The following COL25A1 variants were observed in gnomAD, a reference collection of about 807,000 sequenced individuals.
The protein encoded by COL25A1 is collagen type XXV alpha 1 chain, also known as collagen alpha-1(XXV) chain.
A neutral mutation model predicts 128.4 loss-of-function variants in COL25A1; 103 were observed. The ratio of observed to expected loss-of-function variants is 0.80; its 90% CI spans 0.68 to 0.94. COL25A1 has a LOEUF of 0.94. Ranked by LOEUF, COL25A1 falls within the 40% of genes least tolerant of loss-of-function variation. The pLI, the probability that COL25A1 is intolerant of heterozygous loss-of-function variation, is 0.00. For synonymous variants in COL25A1, 279 were observed against 277.2 expected (o/e 1.01, Z -0.06); for missense variants, 745 against 840.0 (o/e 0.89, Z 1.40).
intron 6 of COL25A1, among the ~76,000 whole-genome samples, chr4:109,008,442 T>C (rs1043422049): frequency 3.9e-5 from 6 of 152,224 alleles, no homozygotes; most frequent in Non-Finnish European, 8.8e-5. Context: ...CTCACGATGC[T>C]TTCTAGGATC....
chr4:108,860,028 T>A (rs1736990710), intron 23 of COL25A1, among the ~76,000 whole-genome samples: 1 of 152,206 alleles, frequency 6.6e-6, no homozygotes, highest in South Asian at 2.1e-4. Flanking sequence ...TACTCTGATG[T>A]GACATGTAAA....
chr4:109,130,346 T>TAGTTGTGAATGTATACAC (rs1217570665), intron 3 of COL25A1, among the ~76,000 whole-genome samples: 2 of 152,070 alleles, frequency 1.3e-5, no homozygotes, highest in Admixed American at 6.5e-5. Flanking sequence ...ACTCAAAATT[T>TAGTTGTGAATGTATACAC]AGTTGTGAAT....
intron 11 of COL25A1, among the ~76,000 whole-genome samples, chr4:108,929,997 A>G (rs1746535100): frequency 6.6e-6 from 1 of 152,180 alleles, no homozygotes; most frequent in Non-Finnish European, 1.5e-5. Flanking sequence ...TGATTAACTC[A>G]TATCACTCAG....
chr4:108,972,180 G>T (rs1374353526), intron 8 of COL25A1, among the ~76,000 whole-genome samples: 2 of 151,972 alleles, frequency 1.3e-5, no homozygotes, highest in Non-Finnish European at 2.9e-5. Context: ...GTTATTTATG[G>T]GAAGAAATAA....
At chr4:108,903,649 C>G (rs1743119739) in intron 13 of COL25A1, among the ~76,000 whole-genome samples, 2 of 151,990 alleles carry the variant, frequency 1.3e-5, no homozygotes, top group East Asian at 1.9e-4. Context: ...TTTTATGGCA[C>G]TAACTGCATA....
At chr4:109,050,821 G>A (rs1468149586) in intron 3 of COL25A1, among the ~76,000 whole-genome samples, 2 of 151,468 alleles carry the variant, frequency 1.3e-5, no homozygotes, top group Non-Finnish European at 1.5e-5. Flanking sequence ...GTTCATTATT[G>A]TCATTCAATA....
At chr4:108,863,507 T>A (rs1737517756) in intron 20 of COL25A1, 120 bp from the exon 21 acceptor site, 3 of 685,088 alleles carry the variant, frequency 4.4e-6, no homozygotes. Context: ...ATTTACCCTG[T>A]ACCCAGCACT....
Position 108,813,709 on chromosome 4 carries a change from C to T in COL25A1, c.*218G>A. The T allele has an allele frequency of 3.9e-6, 2 of 510,212 alleles. No individual in the cohort carries two copies. Among genetic ancestry groups the T allele is most frequent in the Non-Finnish European group, 7.1e-6 (2 of 282,662 alleles). The allele number at this position is 510,212 out of a possible 1,614,324, so 31.6% of individuals were successfully genotyped here. ...TATCTTCACATAAGATAAGGAGATACTGATCTATATTTTTTGCAGGATTCT... is the reference window on the plus strand; with the variant it reads ...TATCTTCACATAAGATAAGGAGATATTGATCTATATTTTTTGCAGGATTCT... On this transcript the variant is annotated 3_prime_UTR_variant, in exon 38 of 38. Coordinates refer to ENST00000399132, the MANE Select transcript of COL25A1 (RefSeq NM_198721.4).
chr4:108,983,329 T>C (rs1404489013), intron 6 of COL25A1, among the ~76,000 whole-genome samples: 1 of 152,204 alleles, frequency 6.6e-6, no homozygotes, highest in African/African-American at 2.4e-5. Context: ...TTACAGCTAA[T>C]GGTGCAATCT....
Position 109,254,089 on chromosome 4 carries a change from GA to G in COL25A1, c.367+46493del, listed in dbSNP as rs536937780. On this transcript the variant is annotated intron_variant, in intron 3 of 37. Transcript: ENST00000399132. ...GCGACAGTGCGAGACTCCGTCTCAA[GA>G]AAAAAAAAAAAAAAAGAATTGTTTA... Among the ~76,000 whole-genome samples the G allele has an allele frequency of 6.6e-3, 454 of 68,502 alleles. 1 individual carries two copies. The highest frequency in any genetic ancestry group is 0.019 in the Middle Eastern group (2 of 108). 44.9% of individuals were successfully genotyped at this position (68,502 alleles called of 152,430 possible).
chr4:109,302,348 G>C lies in COL25A1; in HGVS notation c.-236C>G, dbSNP rs1725642499. 3 of 284,852 alleles carry C rather than the reference G, an allele frequency of 1.1e-5. No individual in the cohort carries two copies. In the South Asian group the frequency reaches 3.4e-4, roughly 32 times the overall value. 17.6% of individuals were successfully genotyped at this position (284,852 alleles called of 1,614,324 possible). A position where few individuals can be genotyped will look rare whatever the true frequency, so the allele number is the denominator to read the frequency against. On this transcript the variant is annotated 5_prime_UTR_variant, in exon 1 of 38. Coordinates refer to ENST00000399132, the MANE Select transcript of COL25A1 (RefSeq NM_198721.4). ...CCAGAGGACCGACACCTCTTTCGAG[G>C]GCCCCAACAGTGGCCGCTCAGGGTC...
chr4:108,906,647 C>CAG (rs1417611484), intron 13 of COL25A1, among the ~76,000 whole-genome samples: 1 of 151,822 alleles, frequency 6.6e-6, no homozygotes, highest in Non-Finnish European at 1.5e-5. Flanking sequence ...ATGGTACGTA[C>CAG]TCACATTAGA....
chr4:109,051,494 T>C lies in COL25A1; in HGVS notation c.368-1315A>G, dbSNP rs563618453. 3.3e-5 allele frequency among the ~76,000 whole-genome samples: 5 copies of C among 152,210 alleles called. No homozygotes were observed. The East Asian group carries it at 9.6e-4, about 29-fold the overall frequency. On this transcript the variant is annotated intron_variant, in intron 3 of 37. Transcript: ENST00000399132. ...ATTCTAGAATAAAGGGATGTTTTCA[T>C]CATATTCAAGGTATCTTGGCCAGAT...
intron 3 of COL25A1, among the ~76,000 whole-genome samples, chr4:109,092,367 C>T (rs1764990785): frequency 1.3e-5 from 2 of 152,136 alleles, no homozygotes. Context: ...CTCAGGTAGT[C>T]CCAGCTACCT....
intron 19 of COL25A1, among the ~76,000 whole-genome samples, chr4:108,871,378 C>A (rs1322365965): frequency 6.6e-6 from 1 of 152,120 alleles, no homozygotes; most frequent in African/African-American, 2.4e-5. Context: ...TGCAGTGGCA[C>A]AATCTCGGCT....
At chr4:109,266,914 A>G (rs1234450623) in intron 3 of COL25A1, among the ~76,000 whole-genome samples, 3 of 152,220 alleles carry the variant, frequency 2.0e-5, no homozygotes, top group Admixed American at 6.5e-5. Flanking sequence ...ATTAAACTGC[A>G]TCACTTGAAT....
intron 3 of COL25A1, among the ~76,000 whole-genome samples, chr4:109,289,988 A>C (rs1287825780): frequency 6.6e-6 from 1 of 152,120 alleles, no homozygotes; most frequent in East Asian, 1.9e-4. Flanking sequence ...AAAATAAACA[A>C]AAGTACAGAT....
rs561423089 is a variant in COL25A1, at chr4:109,048,260, C to T, written c.413-85G>A. On this transcript the variant is annotated intron_variant, in intron 4 of 37. Coordinates refer to ENST00000399132, the MANE Select transcript of COL25A1 (RefSeq NM_198721.4). ...ATTAAAATCAAACAAAAGATATGAG[C>T]ATAATCATCAGCATGACATAATAGA... The T allele has an allele frequency of 2.5e-5, 32 of 1,285,244 alleles. No homozygotes were observed. In the South Asian group the frequency reaches 3.6e-4, roughly 15 times the overall value. 79.6% of individuals were successfully genotyped at this position (1,285,244 alleles called of 1,614,324 possible).
rs1560887047 is a variant in COL25A1, at chr4:109,218,357, G to GTTTTTTTTTTTTTTGTTTTTTTTTT, written c.367+82225_367+82226insAAAAAAAAAACAAAAAAAAAAAAAA. Among the ~76,000 whole-genome samples the GTTTTTTTTTTTTTTGTTTTTTTTTT allele has an allele frequency of 6.0e-4, 44 of 73,550 alleles. No individual in the cohort carries two copies. In the East Asian group the frequency reaches 6.6e-3, roughly 11 times the overall value. 48.3% of individuals were successfully genotyped at this position (73,550 alleles called of 152,430 possible). ...CAGAATCAATTGCTGGTTTTTTGGG[G>GTTTTTTTTTTTTTTGTTTTTTTTTT]TTTTTTTTTTTTTTTTTTTTTTTTT... is the stretch of plus-strand genomic sequence containing the variant. On this transcript the variant is annotated intron_variant, in intron 3 of 37. Transcript: ENST00000399132.
Sources: allele counts gnomAD v4.1 joint callset (sites outside exome capture counted in the v4.1 genomes callset), GRCh38; gene constraint gnomAD v4.1.1; transcripts MANE v1.5; gene names NCBI Gene and HGNC (gene_info 2026-07-23, HGNC 2026-07-21).